CDKL5: variants seen among roughly 807,000 people sequenced by gnomAD.
CDKL5 encodes cyclin dependent kinase like 5.
CDKL5 carries 8 observed loss-of-function variants against 61.7 expected under a neutral mutation model. That is an observed-to-expected ratio of 0.13 (90% CI 0.08 to 0.23). The LOEUF is 0.23. Ranked by LOEUF, CDKL5 falls within the 10% of genes least tolerant of loss-of-function variation. CDKL5 has a pLI of 1.00. For missense variants in CDKL5, 440 were observed against 734.5 expected (o/e 0.60, Z 4.63); for synonymous variants, 275 against 272.3 (o/e 1.01, Z -0.10).
At position 18,629,886 on chromosome X, in the gene CDKL5, G is replaced by A. The variant is rs1473444070; in HGVS notation, c.*1129G>A. On this transcript the variant is annotated 3_prime_UTR_variant, in exon 18 of 18. Coordinates refer to ENST00000623535, the MANE Select transcript of CDKL5 (RefSeq NM_001323289.2). Reference sequence around the variant, plus strand: ...CTTCCACTTAGCATTAGTGTAGAGCGTAGACCAAAGATTTGCCAGTGAACA... The same window carrying A: ...CTTCCACTTAGCATTAGTGTAGAGCATAGACCAAAGATTTGCCAGTGAACA... 3 of 752,839 alleles carry A rather than the reference G, an allele frequency of 4.0e-6. No individual in the cohort carries two copies. Among genetic ancestry groups the A allele is most frequent in the East Asian group, 1.5e-4 (1 of 6,602 alleles). 62.0% of individuals were successfully genotyped at this position (752,839 alleles called of 1,213,427 possible).
chrX:18,479,446 A>G (rs1186729677), intron 1 of CDKL5, among the ~76,000 whole-genome samples: 1 of 104,043 alleles, frequency 9.6e-6, no homozygotes, highest in African/African-American at 3.6e-5. Context: ...CAGCCTCCCT[A>G]GTAGTTGGGA....
rs955135224 is a variant in CDKL5 at position 18,494,195 on chromosome X, C to T, written c.-162-12740C>T. ...CGTCCCAAAGTGGTGGGATTACAGG[C>T]GTGAGCCAGCGCCCCTGGCTCTGAT... On this transcript the variant is annotated intron_variant, in intron 1 of 17. Transcript: ENST00000623535. Among the ~76,000 whole-genome samples the T allele has an allele frequency of 7.3e-4, 82 of 112,087 alleles. 1 individual carries two copies. The highest frequency in any genetic ancestry group is 2.2e-3 in the African/African-American group (68 of 30,884).
At chrX:18,568,106 T>G in intron 4 of CDKL5, among the ~76,000 whole-genome samples, 1 of 112,365 alleles carries the variant, frequency 8.9e-6, no homozygotes, top group Non-Finnish European at 1.9e-5. Flanking sequence ...TGGTTTCTCA[T>G]GAACGCATAT....
At chrX:18,646,218 A>G (rs1927768759) in intron 20 of CDKL5, 1 of 1,036,347 alleles carries the variant, frequency 9.6e-7, no homozygotes, top group African/African-American at 1.9e-5. Flanking sequence ...GTGGCACACA[A>G]TCTCGGCTCA....
chrX:18,650,247 A>G (rs1437978272), intron 20 of CDKL5: 2 of 513,555 alleles, frequency 3.9e-6, no homozygotes, highest in Non-Finnish European at 6.8e-6. Context: ...TGTGTGGCTC[A>G]CTCTGCGATC....
downstream of CDKL5, among the ~76,000 whole-genome samples, chrX:18,645,074 C>CAG (rs976721012): frequency 5.8e-4 from 65 of 112,462 alleles, 1 homozygote; most frequent in African/African-American, 2.1e-3. Context: ...CTGCCTCGTG[C>CAG]AGAGCACTGA....
intron 3 of CDKL5, among the ~76,000 whole-genome samples, chrX:18,526,416 C>A (rs773818481): frequency 6.3e-5 from 7 of 111,607 alleles, no homozygotes; most frequent in Non-Finnish European, 1.3e-4. Context: ...AGTTTTATTT[C>A]TTTCTTCCCA....
intron 17 of CDKL5, among the ~76,000 whole-genome samples, chrX:18,625,792 G>A (rs969140290): frequency 1.7e-4 from 19 of 111,835 alleles, no homozygotes; most frequent in Non-Finnish European, 1.5e-4. Context: ...TTTATCTTCC[G>A]TAATGGAGGA....
intron 1 of CDKL5, among the ~76,000 whole-genome samples, chrX:18,464,036 T>G (rs925903100): frequency 3.6e-5 from 4 of 110,378 alleles, no homozygotes; most frequent in Middle Eastern, 4.7e-3. Context: ...TTTTTGTTTT[T>G]TTTTTAAAGA....
chrX:18,464,065 T>A (rs960719453), intron 1 of CDKL5, among the ~76,000 whole-genome samples: 1 of 110,385 alleles, frequency 9.1e-6, no homozygotes, highest in African/African-American at 3.3e-5. Context: ...GCAGAAACCT[T>A]TATATTTCTT....
chrX:18,437,461 AAT>A (rs1364011150), intron 1 of CDKL5, among the ~76,000 whole-genome samples: 10 of 112,335 alleles, frequency 8.9e-5, no homozygotes, highest in African/African-American at 3.2e-4. Flanking sequence ...CGAAGTATTT[AAT>A]GTTTTAACGA....
At chrX:18,528,237 ATTTTTTTT>A (rs749197887) in intron 3 of CDKL5, among the ~76,000 whole-genome samples, 3 of 68,442 alleles carry the variant, frequency 4.4e-5, no homozygotes, top group Admixed American at 1.7e-4. Context: ...ACCCATACTC[ATTTTTTTT>A]TTTTTTTTTT....
intron 11 of CDKL5, 151 bp from the exon 12 acceptor site, chrX:18,603,751 T>A: frequency 1.6e-6 from 1 of 641,409 alleles, no homozygotes; most frequent in Non-Finnish European, 2.5e-6. Context: ...TTGCTGTTGA[T>A]AGGTTACTTG....
chrX:18,426,273 G>A (rs1931365694), intron 1 of CDKL5: 1 of 113,109 alleles, frequency 8.8e-6, no homozygotes, highest in Admixed American at 9.2e-5. Context: ...CAAGTTTCAG[G>A]CGATGCTGTG....
chrX:18,443,146 C>G (rs1931793330), intron 1 of CDKL5, among the ~76,000 whole-genome samples: 1 of 111,725 alleles, frequency 9.0e-6, no homozygotes, highest in Admixed American at 9.5e-5. Flanking sequence ...CTTCTTGGTT[C>G]AGTTTCTTCC....
At chrX:18,442,740 C>T (rs1250445987) in intron 1 of CDKL5, among the ~76,000 whole-genome samples, 3 of 111,531 alleles carry the variant, frequency 2.7e-5, no homozygotes, top group East Asian at 2.8e-4. Flanking sequence ...GTGATCCGCC[C>T]GCCTCGGCCT....
At position 18,611,634 on chromosome X, in the gene CDKL5, AAGTT is replaced by A. The variant is rs772397574; in HGVS notation, c.2153-1510_2153-1507del. 7.5e-4 allele frequency among the ~76,000 whole-genome samples: 83 copies of A among 111,244 alleles called. 1 individual carries two copies. In the East Asian group the frequency reaches 0.013, roughly 17 times the overall value. On this transcript the variant is annotated intron_variant, in intron 14 of 17. Coordinates refer to ENST00000623535, the MANE Select transcript of CDKL5 (RefSeq NM_001323289.2). ...TAATATAAAATGCTAATGGAGATTT[AAGTT>A]AGTTAGTCTTTGACCTCTGGAAACA...
At chrX:18,476,686 T>C (rs1247345633) in intron 1 of CDKL5, among the ~76,000 whole-genome samples, 1 of 112,913 alleles carries the variant, frequency 8.9e-6, no homozygotes, top group Non-Finnish European at 1.9e-5. Flanking sequence ...TCCAGCTCTC[T>C]TATGCATTTA....
intron 1 of CDKL5, among the ~76,000 whole-genome samples, chrX:18,485,710 A>T (rs1326047955): frequency 8.9e-6 from 1 of 111,767 alleles, no homozygotes; most frequent in Non-Finnish European, 1.9e-5. Context: ...TACTTTCCTT[A>T]TAGGGAATCT....
Sources: gnomAD v4.1 joint callset for allele counts (sites outside exome capture counted in the v4.1 genomes callset) on GRCh38, gnomAD v4.1.1 for gene constraint, MANE v1.5 for transcripts, NCBI Gene and HGNC (gene_info 2026-07-23, HGNC 2026-07-21) for gene names.